Variants in PIK3CA observed in about 807,000 individuals in gnomAD.
PIK3CA encodes phosphatidylinositol 4,5-bisphosphate 3-kinase catalytic subunit alpha isoform.
PIK3CA carries 27 observed loss-of-function variants against 138.2 expected under a neutral mutation model. The observed-to-expected ratio is 0.20, with a 90% CI of 0.14 to 0.27. PIK3CA has a LOEUF of 0.27. Among genes scored for constraint, PIK3CA ranks in the 10% least tolerant of loss-of-function variants. PIK3CA has a pLI of 1.00. For missense variants in PIK3CA, 544 were observed against 1,277.4 expected (o/e 0.43, Z 8.75); for synonymous variants, 358 against 413.2 (o/e 0.87, Z 1.62).
At chr3:179,155,501 G>C (rs1437715160) in intron 1 of PIK3CA, among the ~76,000 whole-genome samples, 1 of 151,948 alleles carries the variant, frequency 6.6e-6, no homozygotes, top group African/African-American at 2.4e-5. Context: ...GAAAAAAAAG[G>C]ATAGTTATTT....
intron 5 of PIK3CA, 122 bp from the exon 6 acceptor site, chr3:179,204,381 A>C (rs1724500666): frequency 3.8e-6 from 2 of 521,374 alleles, no homozygotes; most frequent in Non-Finnish European, 7.2e-6. Context: ...CATATGTGAA[A>C]AAAAGGAGAA....
chr3:179,163,302 T>TA (rs912146094), intron 1 of PIK3CA, among the ~76,000 whole-genome samples: 3 of 152,076 alleles, frequency 2.0e-5, no homozygotes, highest in African/African-American at 7.2e-5. Flanking sequence ...AATGGGGAAA[T>TA]ACTTTCCAAA....
intron 1 of PIK3CA, among the ~76,000 whole-genome samples, chr3:179,197,728 T>A (rs1724305281): frequency 6.6e-6 from 1 of 152,228 alleles, no homozygotes; most frequent in African/African-American, 2.4e-5. Flanking sequence ...AACTTTCATT[T>A]TTTTCTTATT....
At chr3:179,195,019 A>G (rs1724230171) in intron 1 of PIK3CA, among the ~76,000 whole-genome samples, 1 of 151,992 alleles carries the variant, frequency 6.6e-6, no homozygotes, top group African/African-American at 2.4e-5. Context: ...TCTCAAAAAA[A>G]AAAAAAAAAA....
Position 179,235,639 on chromosome 3 carries a change from T to A in PIK3CA, c.*1275T>A, listed in dbSNP as rs1326446612. On this transcript the variant is annotated 3_prime_UTR_variant, in exon 21 of 21. Transcript: ENST00000263967. ...CAATTTAGACTATCTTCCTGATTCCTTAAACCCCTTTACTGAAGTATACTC... is the reference window on the plus strand; with the variant it reads ...CAATTTAGACTATCTTCCTGATTCCATAAACCCCTTTACTGAAGTATACTC... The A allele has an allele frequency of 1.4e-5, 3 of 206,972 alleles. No homozygotes were observed. Among genetic ancestry groups the A allele is most frequent in the Non-Finnish European group, 2.0e-5 (2 of 101,302 alleles). The allele number at this position is 206,972 out of a possible 1,614,324, so 12.8% of individuals were successfully genotyped here.
chr3:179,207,548 T>A (rs1724596158), intron 6 of PIK3CA, among the ~76,000 whole-genome samples: 1 of 150,824 alleles, frequency 6.6e-6, no homozygotes. Context: ...ATTTTTCTTT[T>A]CTTTTTTTTT....
At chr3:179,165,363 G>C (rs1027143871) in intron 1 of PIK3CA, among the ~76,000 whole-genome samples, 1 of 152,116 alleles carries the variant, frequency 6.6e-6, no homozygotes, top group African/African-American at 2.4e-5. Context: ...TGGTTGAGTG[G>C]ATCCATAGTA....
intron 4 of PIK3CA, 50 bp from the exon 5 acceptor site, chr3:179,203,494 T>C (rs1183549563): frequency 2.6e-6 from 4 of 1,546,100 alleles, no homozygotes; most frequent in Non-Finnish European, 3.5e-6. Flanking sequence ...ATGTTACTTT[T>C]AAAATGAAAA....
intron 9 of PIK3CA, among the ~76,000 whole-genome samples, chr3:179,211,385 T>C (rs964714846): frequency 2.6e-5 from 4 of 152,166 alleles, no homozygotes; most frequent in African/African-American, 9.7e-5. Flanking sequence ...TAAAATGCTA[T>C]GTAGGCTGGG....
chr3:179,183,085 T>G (rs190818386), intron 1 of PIK3CA, among the ~76,000 whole-genome samples: 1 of 152,356 alleles, frequency 6.6e-6, no homozygotes, highest in Admixed American at 6.5e-5. Context: ...CTTGCCAAAG[T>G]TATTACTTCA....
intron 1 of PIK3CA, among the ~76,000 whole-genome samples, chr3:179,184,582 G>A (rs1293870448): frequency 6.6e-6 from 1 of 152,164 alleles, no homozygotes; most frequent in East Asian, 1.9e-4. Context: ...ATAGTCCAAA[G>A]CAAAAAGACC....
intron 1 of PIK3CA, among the ~76,000 whole-genome samples, chr3:179,182,380 A>G (rs989870724): frequency 6.6e-6 from 1 of 152,192 alleles, no homozygotes; most frequent in Non-Finnish European, 1.5e-5. Context: ...TAAGAGTGGC[A>G]GTATTGGCTG....
In PIK3CA at chr3:179,220,212, T is replaced by C. The variant is rs1481414041; in HGVS notation, c.2015+160T>C. Reference sequence around the variant, plus strand: ...GTACCAGTGATGAGCTTCTCAACTTTTGCTCTTTGAAATTTAAAAAGCAGT... The same window carrying C: ...GTACCAGTGATGAGCTTCTCAACTTCTGCTCTTTGAAATTTAAAAAGCAGT... On this transcript the variant is annotated intron_variant, in intron 13 of 20. Coordinates refer to ENST00000263967, the MANE Select transcript of PIK3CA (RefSeq NM_006218.4). This position sits in a 1 kb window ranked among gnomAD's most constrained non-coding sequence, Gnocchi z 4.1. 6.6e-6 allele frequency among the ~76,000 whole-genome samples: 1 copy of C among 152,154 alleles called. No homozygotes were observed. The highest frequency in any genetic ancestry group is 1.9e-4 in the East Asian group (1 of 5,202).
At chr3:179,197,453 A>G (rs1291069199) in intron 1 of PIK3CA, among the ~76,000 whole-genome samples, 2 of 152,224 alleles carry the variant, frequency 1.3e-5, no homozygotes, top group Non-Finnish European at 2.9e-5. Flanking sequence ...GATAGCATTT[A>G]TTCTGTTTTG....
Position 179,198,879 on chromosome 3 carries a change from A to C in PIK3CA, c.54A>C (p.Pro18=), listed in dbSNP as rs547238917. 9 of 1,597,218 alleles carry C rather than the reference A, an allele frequency of 5.6e-6. No homozygotes were observed. The East Asian group carries it at 2.0e-4, about 36-fold the overall frequency. The change falls in exon 2 of 21, where the codon CCA becomes CCC. Residue 18 remains proline (P), a synonymous_variant. Transcript: ENST00000263967. ...GELWGIHLMP[P]RILVECLLPN... is the part of the protein sequence containing the mutation. ...TGTGGGGCATCCACTTGATGCCCCC[A>C]AGAATCCTAGTAGAATGTTTACTAC...
chr3:179,174,160 T>G (rs1175670160), intron 1 of PIK3CA, among the ~76,000 whole-genome samples: 1 of 152,122 alleles, frequency 6.6e-6, no homozygotes, highest in Non-Finnish European at 1.5e-5. Flanking sequence ...TATTTTCAAA[T>G]TACAACTGAA....
intron 1 of PIK3CA, among the ~76,000 whole-genome samples, chr3:179,192,026 G>C: frequency 6.6e-6 from 1 of 152,204 alleles, no homozygotes; most frequent in Non-Finnish European, 1.5e-5. Context: ...ATATTTTAAA[G>C]TAGTTAAGCC....
rs57175266 is a variant in PIK3CA at position 179,220,635 on chromosome 3, G to A, written c.2016-351G>A. Among the ~76,000 whole-genome samples, 1 of 152,130 alleles carries A rather than the reference G, an allele frequency of 6.6e-6. No individual in the cohort carries two copies. Among genetic ancestry groups the A allele is most frequent in the Non-Finnish European group, 1.5e-5 (1 of 68,002 alleles). On this transcript the variant is annotated intron_variant, in intron 13 of 20. Coordinates refer to ENST00000263967, the MANE Select transcript of PIK3CA (RefSeq NM_006218.4). This position sits in a 1 kb window ranked among gnomAD's most constrained non-coding sequence, Gnocchi z 4.1. ...AAACAAGAAGCATAGGCGTGTGTCA[G>A]AAGAGTCAAACAGCATTCACTGAGC...
intron 1 of PIK3CA, among the ~76,000 whole-genome samples, chr3:179,169,536 A>C (rs1333307307): frequency 6.6e-6 from 1 of 152,046 alleles, no homozygotes. Context: ...AGTTCACGTG[A>C]CTAATCAATT....
Sources: gnomAD v4.1 joint callset for allele counts (sites outside exome capture counted in the v4.1 genomes callset) on GRCh38, gnomAD v4.1.1 for gene constraint, Gnocchi (gnomAD v3.1) non-coding constraint, MANE v1.5 for transcripts, NCBI Gene and HGNC (gene_info 2026-07-23, HGNC 2026-07-21) for gene names.